Variants in GHR observed in about 807,000 individuals in gnomAD.
GHR encodes growth hormone receptor, also known as GH receptor.
A neutral mutation model predicts 67.1 loss-of-function variants in GHR; 35 were observed. The observed-to-expected ratio is 0.52, with a 90% CI of 0.40 to 0.69. The LOEUF (loss-of-function observed/expected upper bound fraction) is 0.69, where lower values mean the gene tolerates loss of function less well. GHR is among the 30% of genes least tolerant of loss of function. The pLI, the probability that GHR is intolerant of heterozygous loss-of-function variation, is 0.00. For synonymous variants in GHR, 272 were observed against 269.1 expected, an observed-to-expected ratio of 1.01 and a Z score of -0.10; for missense variants, 792 against 764.6, an observed-to-expected ratio of 1.04 and a Z score of -0.42.
rs1750684493 is a variant in GHR, at chr5:42,576,099, T to TTA, written c.70+10155_70+10156insTA. Among the ~76,000 whole-genome samples the TTA allele has an allele frequency of 1.2e-4, 8 of 69,206 alleles. No individual in the cohort carries two copies. In the South Asian group the frequency reaches 3.8e-3, roughly 33 times the overall value. The allele number at this position is 69,206 out of a possible 152,430, so 45.4% of individuals were successfully genotyped here. On this transcript the variant is annotated intron_variant, in intron 2 of 9. Transcript: ENST00000230882. ...TAAAATAAAATAAAATAAAATAAAA[T>TTA]AAATAAAATAAAATAAAATAAAATA...
intron 1 of GHR, among the ~76,000 whole-genome samples, chr5:42,489,578 A>G (rs1746025647): frequency 6.6e-6 from 1 of 152,194 alleles, no homozygotes; most frequent in South Asian, 2.1e-4. Context: ...TGGAAATGCA[A>G]CAACTACAAA....
At chr5:42,627,431 G>A (rs916754208) in intron 2 of GHR, among the ~76,000 whole-genome samples, 1 of 152,298 alleles carries the variant, frequency 6.6e-6, no homozygotes, top group Non-Finnish European at 1.5e-5. Flanking sequence ...TTAAAAGGGG[G>A]ATTATTATGA....
At chr5:42,509,556 A>T (rs1746922816) in intron 1 of GHR, among the ~76,000 whole-genome samples, 1 of 152,188 alleles carries the variant, frequency 6.6e-6, no homozygotes, top group African/African-American at 2.4e-5. Context: ...GAGAGCTTCT[A>T]TCAAAGATGA....
intron 1 of GHR, among the ~76,000 whole-genome samples, chr5:42,541,109 T>G (rs1748497820): frequency 6.6e-6 from 1 of 152,200 alleles, no homozygotes; most frequent in South Asian, 2.1e-4. Flanking sequence ...TGCCTTGTGT[T>G]TTCCTGCTAT....
At chr5:42,605,475 T>A (rs1279939631) in intron 2 of GHR, among the ~76,000 whole-genome samples, 1 of 152,100 alleles carries the variant, frequency 6.6e-6, no homozygotes, top group Admixed American at 6.6e-5. Flanking sequence ...TCGGTAGGAA[T>A]GTCCCAAGTC....
chr5:42,493,904 CAACT>C (rs1746216400), intron 1 of GHR, among the ~76,000 whole-genome samples: 1 of 152,092 alleles, frequency 6.6e-6, no homozygotes, highest in African/African-American at 2.4e-5. Flanking sequence ...GTCTAGAGGC[CAACT>C]AATACAGTTT....
intron 3 of GHR, among the ~76,000 whole-genome samples, chr5:42,651,138 T>C (rs1418299294): frequency 1.3e-5 from 2 of 152,196 alleles, no homozygotes. Context: ...AGGCTGGAGC[T>C]ACTCAGGATT....
chr5:42,661,533 A>C (rs1403836103), intron 3 of GHR, among the ~76,000 whole-genome samples: 1 of 152,180 alleles, frequency 6.6e-6, no homozygotes, highest in South Asian at 2.1e-4. Flanking sequence ...GAAATAAAAT[A>C]CTTTACAGAC....
chr5:42,565,885 G>A lies in GHR; in HGVS notation c.11G>A (p.Trp4Ter). The part of the protein sequence containing the change: MDL[W>*]QLLLTLALAG... ...GCAGGTCCTACAGGTATGGATCTCT[G>A]GCAGCTGCTGTTGACCTTGGCACTG... Residue 4 changes from tryptophan (W) to a stop codon, truncating the protein, a stop_gained, in exon 2 of 10, where the codon TGG (tryptophan) becomes TAG (stop). Transcript: ENST00000230882. LOFTEE classifies it high-confidence loss of function. 6.2e-7 allele frequency: 1 copy of A among 1,613,920 alleles called. No individual in the cohort carries two copies. The highest frequency in any genetic ancestry group is 8.5e-7 in the Non-Finnish European group (1 of 1,179,866).
chr5:42,432,930 A>G (rs1349176945), intron 1 of GHR, among the ~76,000 whole-genome samples: 10 of 152,216 alleles, frequency 6.6e-5, no homozygotes, highest in African/African-American at 2.4e-4. Flanking sequence ...ACATACAGAA[A>G]TATGGAAGCA....
At chr5:42,576,046 TAATAAAATAA>T (rs1554021364) in intron 2 of GHR, among the ~76,000 whole-genome samples, 11 of 55,892 alleles carry the variant, frequency 2.0e-4, no homozygotes, top group Admixed American at 6.4e-4. Flanking sequence ...AAAATTAAAA[TAATAAAATAA>T]AATAAAATAA....
rs535797576 is a variant in GHR at position 42,431,932 on chromosome 5, G to A, written c.-12+7977G>A. On this transcript the variant is annotated intron_variant, in intron 1 of 9. Coordinates refer to ENST00000230882, the MANE Select transcript of GHR (RefSeq NM_000163.5). ...ACAACCTGTGTCCTAGGGAAGAAGC[G>A]CATTTCACAGGGATTCAGCACAGGT... is the stretch of plus-strand genomic sequence containing the variant. Among the ~76,000 whole-genome samples, 92 of 152,190 alleles carry A rather than the reference G, an allele frequency of 6.0e-4. No individual in the cohort carries two copies. In the Middle Eastern group the frequency reaches 0.01, roughly 17 times the overall value.
intron 2 of GHR, among the ~76,000 whole-genome samples, chr5:42,576,373 A>G (rs548960510): frequency 6.6e-6 from 1 of 152,152 alleles, no homozygotes; most frequent in East Asian, 1.9e-4. Flanking sequence ...CAATTAGTCA[A>G]CTGGTAATTG....
At chr5:42,595,446 T>C (rs1271862255) in intron 2 of GHR, among the ~76,000 whole-genome samples, 3 of 152,250 alleles carry the variant, frequency 2.0e-5, no homozygotes, top group Non-Finnish European at 4.4e-5. Flanking sequence ...GAGCTGACAA[T>C]CCAACTTACT....
intron 2 of GHR, among the ~76,000 whole-genome samples, chr5:42,577,955 A>G (rs546973169): frequency 8.5e-5 from 13 of 152,330 alleles, no homozygotes; most frequent in African/African-American, 3.1e-4. Flanking sequence ...TTCCTATACG[A>G]TATACTTAAT....
intron 8 of GHR, among the ~76,000 whole-genome samples, chr5:42,716,261 C>A (rs771447239): frequency 2.0e-5 from 3 of 151,982 alleles, no homozygotes; most frequent in African/African-American, 4.8e-5. Flanking sequence ...TGAGCCCCAA[C>A]TGTGCCAACT....
At chr5:42,437,248 A>G (rs1171693645) in intron 1 of GHR, among the ~76,000 whole-genome samples, 1 of 152,252 alleles carries the variant, frequency 6.6e-6, no homozygotes, top group Admixed American at 6.5e-5. Flanking sequence ...GAACATATGT[A>G]GGAAACCATT....
chr5:42,651,433 G>T (rs187184751), intron 3 of GHR, among the ~76,000 whole-genome samples: 199 of 152,234 alleles, frequency 1.3e-3, no homozygotes, highest in African/African-American at 4.3e-3. Flanking sequence ...ACTGTGAGTG[G>T]GGTTTCAAAG....
At chr5:42,510,866 C>T (rs1310495267) in intron 1 of GHR, among the ~76,000 whole-genome samples, 2 of 152,138 alleles carry the variant, frequency 1.3e-5, no homozygotes, top group South Asian at 2.1e-4. Context: ...TGGGTGCAGG[C>T]GCTCATCTTT....
Sources: gnomAD v4.1 joint callset for allele counts (sites outside exome capture counted in the v4.1 genomes callset) on GRCh38, gnomAD v4.1.1 for gene constraint, MANE v1.5 for transcripts, NCBI Gene and HGNC (gene_info 2026-07-23, HGNC 2026-07-21) for gene names.